Variants in TEAD1 observed in about 807,000 individuals in gnomAD.
TEAD1 encodes the protein transcriptional enhancer factor TEF-1.
TEAD1 carries 9 observed loss-of-function variants against 54.9 expected under a neutral mutation model. The ratio of observed to expected loss-of-function variants is 0.16; its 90% CI spans 0.10 to 0.29. The LOEUF (loss-of-function observed/expected upper bound fraction) is 0.29. Among genes scored for constraint, TEAD1 ranks in the 10% least tolerant of loss-of-function variants. The pLI is 1.00. For synonymous variants in TEAD1, 200 were observed against 187.8 expected, an observed-to-expected ratio of 1.07 and a Z score of -0.53; for missense variants, 387 against 535.9, an observed-to-expected ratio of 0.72 and a Z score of 2.74.
At chr11:12,814,908 C>T (rs1031518133) in intron 3 of TEAD1, among the ~76,000 whole-genome samples, 2 of 151,850 alleles carry the variant, frequency 1.3e-5, no homozygotes, top group Non-Finnish European at 2.9e-5. Context: ...CGCACGCACC[C>T]ATCAGTGAAT....
intron 2 of TEAD1, among the ~76,000 whole-genome samples, chr11:12,708,853 G>C (rs1434469420): frequency 4.6e-5 from 7 of 152,214 alleles, no homozygotes; most frequent in African/African-American, 1.4e-4. Flanking sequence ...AGCATGAATA[G>C]TGTGATCCTA....
At chr11:12,774,891 G>GA (rs1945386948) in intron 3 of TEAD1, among the ~76,000 whole-genome samples, 1 of 152,056 alleles carries the variant, frequency 6.6e-6, no homozygotes, top group African/African-American at 2.4e-5. Context: ...TAGGAGGAGG[G>GA]AGAGGATTGG....
chr11:12,840,384 C>T (rs758529882), intron 3 of TEAD1, among the ~76,000 whole-genome samples: 3 of 151,772 alleles, frequency 2.0e-5, no homozygotes, highest in Non-Finnish European at 2.9e-5. Flanking sequence ...CAGAAGAAGC[C>T]ATGAGAAGCT....
intron 3 of TEAD1, among the ~76,000 whole-genome samples, chr11:12,784,003 C>T (rs893874179): frequency 6.6e-6 from 1 of 152,074 alleles, no homozygotes. Context: ...ATTCTGGAGG[C>T]TCTATCTCCC....
intron 3 of TEAD1, among the ~76,000 whole-genome samples, chr11:12,774,128 G>A (rs994891803): frequency 2.0e-5 from 3 of 152,202 alleles, no homozygotes; most frequent in Admixed American, 6.5e-5. Context: ...AGGCTCTGGT[G>A]CATGTAGGAG....
intron 2 of TEAD1, among the ~76,000 whole-genome samples, chr11:12,719,971 T>G (rs1564917627): frequency 4.7e-5 from 3 of 63,630 alleles, no homozygotes; most frequent in African/African-American, 4.4e-4. Context: ...TTTTTTTTTT[T>G]TTTTTTTTTT....
intron 3 of TEAD1, among the ~76,000 whole-genome samples, chr11:12,847,112 T>C (rs1044271441): frequency 1.3e-5 from 2 of 152,204 alleles, no homozygotes; most frequent in African/African-American, 4.8e-5. Context: ...CCTCCCTTTC[T>C]GCCTGCCCAT....
At chr11:12,705,717 C>T (rs893511826) in intron 2 of TEAD1, among the ~76,000 whole-genome samples, 13 of 152,176 alleles carry the variant, frequency 8.5e-5, no homozygotes, top group South Asian at 6.2e-4. Flanking sequence ...CCTTTTAGTT[C>T]GGTGCTATAC....
In TEAD1 at chr11:12,769,831, A is replaced by C. The variant is rs185718796; in HGVS notation, c.202+5397A>C. 3.3e-3 allele frequency among the ~76,000 whole-genome samples: 498 copies of C among 152,292 alleles called. 1 individual carries two copies. The highest frequency in any genetic ancestry group is 0.011 in the African/African-American group (472 of 41,548). On this transcript the variant is annotated intron_variant, in intron 3 of 12. Transcript: ENST00000527636. The stretch of plus-strand genomic sequence containing the variant: ...AAGCCGGGACCCCACCGATCACAGG[A>C]TGTATTTCAAGGCCTGGAATATAGA...
In TEAD1 at chr11:12,804,105, A is replaced by G. The variant is rs1024639156; in HGVS notation, c.202+39671A>G. ...TTTTGAGGCACGTGTGCCAGAGCTT[A>G]TTTACCCAAACAAATGTAATTCTCT... On this transcript the variant is annotated intron_variant, in intron 3 of 12. Coordinates refer to ENST00000527636, the MANE Select transcript of TEAD1 (RefSeq NM_021961.6). Among the ~76,000 whole-genome samples the G allele has an allele frequency of 3.9e-5, 6 of 152,248 alleles. No homozygotes were observed. In the East Asian group the frequency reaches 1.2e-3, roughly 29 times the overall value.
At chr11:12,870,636 A>T (rs547049773) in intron 5 of TEAD1, among the ~76,000 whole-genome samples, 2 of 152,322 alleles carry the variant, frequency 1.3e-5, no homozygotes, top group African/African-American at 4.8e-5. Context: ...CTGTAATCCT[A>T]GCACTTCGGG....
intron 9 of TEAD1, among the ~76,000 whole-genome samples, chr11:12,884,175 C>T (rs932138708): frequency 6.6e-6 from 1 of 152,070 alleles, no homozygotes; most frequent in Non-Finnish European, 1.5e-5. Flanking sequence ...CTCAGCCAGG[C>T]ATTTCCCATA....
intron 3 of TEAD1, among the ~76,000 whole-genome samples, chr11:12,777,748 T>C (rs572858042): frequency 1.2e-3 from 179 of 152,352 alleles, no homozygotes; most frequent in Admixed American, 2.0e-3. Flanking sequence ...AATGGTGATA[T>C]GATCCTGATT....
At chr11:12,677,782 A>G (rs1234043721) in intron 2 of TEAD1, among the ~76,000 whole-genome samples, 1 of 152,234 alleles carries the variant, frequency 6.6e-6, no homozygotes, top group Non-Finnish European at 1.5e-5. Flanking sequence ...CATTAACAAT[A>G]TTTTAAGGTT....
At chr11:12,772,541 TATC>T (rs1367561856) in intron 3 of TEAD1, among the ~76,000 whole-genome samples, 13 of 152,230 alleles carry the variant, frequency 8.5e-5, no homozygotes, top group Admixed American at 3.9e-4. Flanking sequence ...GTATAGATGT[TATC>T]ATTGACAGAC....
intron 2 of TEAD1, among the ~76,000 whole-genome samples, chr11:12,754,532 A>G (rs951000976): frequency 2.6e-5 from 4 of 152,196 alleles, no homozygotes; most frequent in African/African-American, 7.2e-5. Flanking sequence ...AAACAATGAA[A>G]ATATAAACAG....
At chr11:12,848,470 T>C (rs868713510) in intron 3 of TEAD1, among the ~76,000 whole-genome samples, 1 of 152,176 alleles carries the variant, frequency 6.6e-6, no homozygotes, top group South Asian at 2.1e-4. Flanking sequence ...TAACAGTTGG[T>C]CTAATGTTAA....
At chr11:12,786,998 C>CAGGGAAG (rs1945691442) in intron 3 of TEAD1, among the ~76,000 whole-genome samples, 1 of 152,130 alleles carries the variant, frequency 6.6e-6, no homozygotes, top group East Asian at 1.9e-4. Flanking sequence ...GTGGAGTCAG[C>CAGGGAAG]AGGGAAGAGG....
intron 2 of TEAD1, among the ~76,000 whole-genome samples, chr11:12,761,317 T>C (rs1174168354): frequency 6.6e-6 from 1 of 152,148 alleles, no homozygotes; most frequent in Non-Finnish European, 1.5e-5. Context: ...TTATATTGAG[T>C]TGGAATATTC....
Sources: allele counts gnomAD v4.1 joint callset (sites outside exome capture counted in the v4.1 genomes callset), GRCh38; gene constraint gnomAD v4.1.1; transcripts MANE v1.5; gene names NCBI Gene and HGNC (gene_info 2026-07-23, HGNC 2026-07-21).